Variants in MAST4 observed in about 807,000 individuals in gnomAD.
MAST4 encodes microtubule-associated serine/threonine-protein kinase 4.
MAST4 carries 89 observed loss-of-function variants against 162.7 expected under a neutral mutation model. That is an observed-to-expected ratio of 0.55 (90% CI 0.46 to 0.65). The LOEUF (loss-of-function observed/expected upper bound fraction) is 0.65, where lower values mean the gene tolerates loss of function less well. MAST4 is among the 30% of genes least tolerant of loss of function. The pLI is 0.00. For synonymous variants in MAST4, 1,479 were observed against 1,361.1 expected (o/e 1.09, Z -1.91); for missense variants, 3,153 against 3,374.0 (o/e 0.93, Z 1.62).
intron 1 of MAST4, among the ~76,000 whole-genome samples, chr5:66,698,332 C>T (rs769796726): frequency 6.6e-6 from 1 of 151,958 alleles, no homozygotes; most frequent in Non-Finnish European, 1.5e-5. Flanking sequence ...CTCCTTGTCT[C>T]AACCCTACTC....
chr5:67,075,774 C>G (rs1349874757), intron 5 of MAST4, among the ~76,000 whole-genome samples: 3 of 152,106 alleles, frequency 2.0e-5, no homozygotes, highest in Non-Finnish European at 4.4e-5. Flanking sequence ...GTTCCACTTG[C>G]TAGCACATTT....
At position 67,114,202 on chromosome 5, in the gene MAST4, A is replaced by G. The variant is rs770852214; in HGVS notation, c.1574A>G (p.Asn525Ser). Reference sequence around the variant, plus strand: ...TACATCATTAGCCAACTGGGACTCAATAAGGATCCCTTGGAAGGTGAGTCC... The same window carrying G: ...TACATCATTAGCCAACTGGGACTCAGTAAGGATCCCTTGGAAGGTGAGTCC... ...PRYIISQLGL[N>S]KDPLEEMAHL... Residue 525 changes from asparagine (N) to serine (S), a missense_variant, in exon 12 of 29, where the codon AAT (asparagine) becomes AGT (serine). By Grantham distance (46) the Asn-to-Ser change is conservative. Transcript: ENST00000403625. 14 of 1,611,694 alleles carry G rather than the reference A, an allele frequency of 8.7e-6. No homozygotes were observed. The highest frequency in any genetic ancestry group is 1.7e-4 in the Middle Eastern group (1 of 6,054).
rs1315789503 is a variant in MAST4 at position 67,015,219 on chromosome 5, A to G, written c.675-39185A>G. Among the ~76,000 whole-genome samples, 6 of 152,132 alleles carry G rather than the reference A, an allele frequency of 3.9e-5. No homozygotes were observed. In the East Asian group the frequency reaches 7.7e-4, roughly 20 times the overall value. On this transcript the variant is annotated intron_variant, in intron 4 of 28. Coordinates refer to ENST00000403625, the MANE Select transcript of MAST4 (RefSeq NM_001164664.2). ...GCATTAAGGAAGCTCGTCATGACCT[A>G]TTGTTCCAGAAAGATTATAGTCCTC...
intron 3 of MAST4, among the ~76,000 whole-genome samples, chr5:66,811,866 T>C (rs1445096889): frequency 6.6e-6 from 1 of 152,208 alleles, no homozygotes; most frequent in African/African-American, 2.4e-5. Flanking sequence ...TAGTTGCAAA[T>C]GCAGTAGGGG....
intron 14 of MAST4, among the ~76,000 whole-genome samples, chr5:67,129,192 C>G (rs975737312): frequency 2.6e-5 from 4 of 152,190 alleles, no homozygotes; most frequent in African/African-American, 4.8e-5. Context: ...TTGGCCCGCT[C>G]TTATGCTGGG....
intron 1 of MAST4, among the ~76,000 whole-genome samples, chr5:66,736,013 G>C (rs1408216701): frequency 1.3e-5 from 2 of 152,214 alleles, no homozygotes; most frequent in Admixed American, 1.3e-4. Context: ...GCAAATAGCT[G>C]TGGGATTTGG....
intron 4 of MAST4, among the ~76,000 whole-genome samples, chr5:66,906,569 C>G (rs1763368574): frequency 6.6e-6 from 1 of 152,094 alleles, no homozygotes; most frequent in Non-Finnish European, 1.5e-5. Flanking sequence ...TCAAACATTC[C>G]AGTATTAGAA....
chr5:66,935,445 G>T (rs117967270), intron 4 of MAST4, among the ~76,000 whole-genome samples: 1 of 152,118 alleles, frequency 6.6e-6, no homozygotes, highest in East Asian at 1.9e-4. Context: ...CTGACCTTTT[G>T]CCCTTTTCCA....
intron 1 of MAST4, among the ~76,000 whole-genome samples, chr5:66,629,415 G>T (rs866658659): frequency 2.0e-5 from 3 of 152,254 alleles, no homozygotes; most frequent in Middle Eastern, 3.4e-3. Context: ...CTCTCCCTTT[G>T]GAAGCCTTTT....
intron 4 of MAST4, among the ~76,000 whole-genome samples, chr5:66,933,668 G>C (rs16895995): frequency 0.025 from 3,828 of 152,092 alleles, 134 homozygotes; most frequent in African/African-American, 0.088. Flanking sequence ...TCATTATGGA[G>C]TACCTAATGG....
chr5:67,088,503 C>G (rs1327269880), intron 5 of MAST4, among the ~76,000 whole-genome samples: 2 of 151,980 alleles, frequency 1.3e-5, no homozygotes, highest in African/African-American at 4.8e-5. Flanking sequence ...AAATTTTTAG[C>G]CATCTTGAAA....
chr5:67,012,728 G>T (rs1752838582), intron 4 of MAST4, among the ~76,000 whole-genome samples: 1 of 151,892 alleles, frequency 6.6e-6, no homozygotes, highest in Non-Finnish European at 1.5e-5. Flanking sequence ...TTATTTCCAG[G>T]CAGATAGAAA....
At chr5:66,749,436 G>C (rs879546459) in intron 1 of MAST4, among the ~76,000 whole-genome samples, 3 of 152,158 alleles carry the variant, frequency 2.0e-5, no homozygotes, top group Non-Finnish European at 4.4e-5. Flanking sequence ...ATTACAGCCT[G>C]AAATAATGTA....
intron 14 of MAST4, among the ~76,000 whole-genome samples, chr5:67,129,885 G>A (rs150058673): frequency 1.3e-5 from 2 of 152,254 alleles, no homozygotes; most frequent in East Asian, 1.9e-4. Context: ...ATTTTGATGT[G>A]TTTGTGGAAA....
chr5:66,606,967 A>ACTGAGT (rs1742934724), intron 1 of MAST4, among the ~76,000 whole-genome samples: 2 of 150,988 alleles, frequency 1.3e-5, no homozygotes, highest in African/African-American at 4.9e-5. Flanking sequence ...ATTTAAATTA[A>ACTGAGT]ATATTAAATG....
At chr5:67,033,336 T>TGTGTGTGG (rs1554084495) in intron 4 of MAST4, among the ~76,000 whole-genome samples, 6 of 132,236 alleles carry the variant, frequency 4.5e-5, no homozygotes, top group Non-Finnish European at 8.1e-5. Context: ...TGTGTGTGTG[T>TGTGTGTGG]GTGTGTGTGG....
At chr5:67,144,084 C>G (rs1770744854) in intron 21 of MAST4, among the ~76,000 whole-genome samples, 1 of 152,138 alleles carries the variant, frequency 6.6e-6, no homozygotes, top group Admixed American at 6.5e-5. Context: ...GGAACCCCGG[C>G]ACCAACATAG....
chr5:66,748,325 A>G (rs1017525290), intron 1 of MAST4, among the ~76,000 whole-genome samples: 2 of 151,664 alleles, frequency 1.3e-5, no homozygotes, highest in African/African-American at 4.8e-5. Flanking sequence ...ATGCTATGCA[A>G]TATAGGCCCT....
chr5:67,130,494 T>C, intron 15 of MAST4, 76 bp downstream of exon 15: 1 of 1,460,350 alleles, frequency 6.8e-7, no homozygotes, highest in Non-Finnish European at 9.4e-7. Flanking sequence ...TGTCTGTATT[T>C]GTGCCACATA....
Sources: gnomAD v4.1 joint callset for allele counts (sites outside exome capture counted in the v4.1 genomes callset) on GRCh38, gnomAD v4.1.1 for gene constraint, MANE v1.5 for transcripts, NCBI Gene and HGNC (gene_info 2026-07-23, HGNC 2026-07-21) for gene names.